Variants in SCHIP1 observed in about 807,000 individuals in gnomAD.
The protein encoded by SCHIP1 is schwannomin-interacting protein 1.
Under a neutral mutation model 29.7 loss-of-function variants are expected in SCHIP1, and 8 were observed. That is an observed-to-expected ratio of 0.27 (90% CI 0.16 to 0.49). The LOEUF is 0.49. Among genes scored for constraint, SCHIP1 ranks in the 20% least tolerant of loss-of-function variants. The pLI is 0.99. For missense variants in SCHIP1, 193 were observed against 294.6 expected, an observed-to-expected ratio of 0.66 and a Z score of 2.52; for synonymous variants, 76 against 94.9, an observed-to-expected ratio of 0.80 and a Z score of 1.16.
the SCHIP1 span, among the ~76,000 whole-genome samples, chr3:159,520,202 T>C: frequency 6.6e-6 from 1 of 150,848 alleles, no homozygotes; most frequent in Non-Finnish European, 1.5e-5. Context: ...GCACAGAAGA[T>C]AGAACCTGAC....
intron 2 of SCHIP1, among the ~76,000 whole-genome samples, chr3:159,879,781 G>A (rs1027294468): frequency 2.6e-5 from 4 of 152,170 alleles, no homozygotes; most frequent in African/African-American, 4.8e-5. Flanking sequence ...ACCAACAGCC[G>A]TCTGAGGAAT....
At chr3:159,841,767 A>G (rs752155524) in intron 1 of SCHIP1, among the ~76,000 whole-genome samples, 16 of 152,180 alleles carry the variant, frequency 1.1e-4, no homozygotes, top group South Asian at 4.1e-4. Flanking sequence ...ATGAGCTGCA[A>G]TATATAACAG....
chr3:159,508,977 G>A, the SCHIP1 span, among the ~76,000 whole-genome samples: 55 of 152,212 alleles, frequency 3.6e-4, no homozygotes, highest in African/African-American at 9.1e-4. Flanking sequence ...GTAGATGTCT[G>A]TTAGGTCCAC....
the SCHIP1 span, among the ~76,000 whole-genome samples, chr3:159,520,999 T>G: frequency 1.3e-5 from 2 of 152,176 alleles, no homozygotes; most frequent in African/African-American, 4.8e-5. Context: ...AAGAATAAAT[T>G]TATAGAAGTG....
At chr3:159,672,577 TG>T in the SCHIP1 span, among the ~76,000 whole-genome samples, 12,091 of 152,238 alleles carry the variant, frequency 0.079, 1,028 homozygotes, top group African/African-American at 0.22. Context: ...GAGATATTTT[TG>T]GTTGTCATAC....
chr3:159,816,793 C>T, the SCHIP1 span, among the ~76,000 whole-genome samples: 2 of 152,198 alleles, frequency 1.3e-5, no homozygotes, highest in South Asian at 2.1e-4. Context: ...CTGCCTAACT[C>T]GTGCTGTCTC....
the SCHIP1 span, among the ~76,000 whole-genome samples, chr3:159,681,107 C>T: frequency 2.0e-5 from 3 of 151,818 alleles, no homozygotes; most frequent in Non-Finnish European, 4.4e-5. Context: ...AATCATATGC[C>T]ACACATGGTC....
At chr3:159,653,357 TACTAAATA>T in the SCHIP1 span, among the ~76,000 whole-genome samples, 2 of 152,104 alleles carry the variant, frequency 1.3e-5, no homozygotes, top group South Asian at 4.1e-4. Flanking sequence ...ATCAATGATA[TACTAAATA>T]AAGAAAATGT....
chr3:159,880,478 A>G (rs1370711032), intron 2 of SCHIP1, among the ~76,000 whole-genome samples: 2 of 152,222 alleles, frequency 1.3e-5, no homozygotes, highest in African/African-American at 4.8e-5. Context: ...TGACTTAATG[A>G]TCCAAGCACT....
the SCHIP1 span, among the ~76,000 whole-genome samples, chr3:159,655,776 C>G: frequency 2.6e-5 from 4 of 152,146 alleles, no homozygotes; most frequent in African/African-American, 9.7e-5. Context: ...GTAATCCCAG[C>G]TACTCAGGAG....
At chr3:159,437,492 G>A in the SCHIP1 span, among the ~76,000 whole-genome samples, 1 of 152,058 alleles carries the variant, frequency 6.6e-6, no homozygotes, top group Admixed American at 6.6e-5. Flanking sequence ...TGACTCTGAG[G>A]TCTTTAGTGT....
the SCHIP1 span, among the ~76,000 whole-genome samples, chr3:159,389,385 A>G: frequency 1.3e-5 from 2 of 152,046 alleles, no homozygotes; most frequent in African/African-American, 2.4e-5. Flanking sequence ...TTAAAGACTC[A>G]GAATATGAAG....
At chr3:159,719,910 G>C in the SCHIP1 span, among the ~76,000 whole-genome samples, 1,856 of 152,256 alleles carry the variant, frequency 0.012, 43 homozygotes, top group African/African-American at 0.042. Context: ...TATAAATCAT[G>C]CTGCTCTAAA....
chr3:159,449,146 C>T, the SCHIP1 span, among the ~76,000 whole-genome samples: 2 of 152,176 alleles, frequency 1.3e-5, no homozygotes, highest in Non-Finnish European at 2.9e-5. Context: ...CTGCAGCTAA[C>T]CTGATGTCCT....
At chr3:159,418,947 G>A in the SCHIP1 span, among the ~76,000 whole-genome samples, 45 of 152,318 alleles carry the variant, frequency 3.0e-4, no homozygotes, top group Middle Eastern at 6.8e-3. Context: ...TACTGTGTGG[G>A]TTTAAGTATG....
In SCHIP1 at chr3:159,850,383, G is replaced by T. The variant is rs188211748; in HGVS notation, c.30+10169G>T. On this transcript the variant is annotated intron_variant, in intron 1 of 6. Transcript: ENST00000445224. ...ATCCTAGCCAACATGGTGAAGCCCCGTTTCTACTAAAAATACGAAAATTAG... is the reference window on the plus strand; with the variant it reads ...ATCCTAGCCAACATGGTGAAGCCCCTTTTCTACTAAAAATACGAAAATTAG... 7.2e-3 allele frequency among the ~76,000 whole-genome samples: 1,092 copies of T among 151,972 alleles called. 8 individuals are homozygous for T. The highest frequency in any genetic ancestry group is 0.025 in the African/African-American group (1,050 of 41,442).
upstream of SCHIP1, among the ~76,000 whole-genome samples, chr3:159,837,672 G>A (rs1328503026): frequency 6.6e-6 from 1 of 151,064 alleles, no homozygotes; most frequent in Non-Finnish European, 1.5e-5. Context: ...GCAGTGAGCC[G>A]ATCACACCAC....
the SCHIP1 span, among the ~76,000 whole-genome samples, chr3:159,287,271 G>A: frequency 6.6e-6 from 1 of 151,342 alleles, no homozygotes; most frequent in African/African-American, 2.4e-5. Context: ...TTTAACTATT[G>A]TTTATACTAT....
At chr3:159,654,554 G>A in the SCHIP1 span, among the ~76,000 whole-genome samples, 1 of 152,146 alleles carries the variant, frequency 6.6e-6, no homozygotes, top group Admixed American at 6.5e-5. Flanking sequence ...CTCCCTGAGT[G>A]TGTTGGCCTG....
Sources: allele counts gnomAD v4.1 joint callset (sites outside exome capture counted in the v4.1 genomes callset), GRCh38; gene constraint gnomAD v4.1.1; transcripts MANE v1.5; gene names NCBI Gene and HGNC (gene_info 2026-07-23, HGNC 2026-07-21).